DDI2: variants seen among roughly 807,000 people sequenced by gnomAD.
DDI2 encodes the protein protein DDI1 homolog 2.
Under a neutral mutation model 48.1 loss-of-function variants are expected in DDI2, and 5 were observed. The ratio of observed to expected loss-of-function variants is 0.10; its 90% CI spans 0.05 to 0.22. The LOEUF is 0.22. Ranked by LOEUF, DDI2 falls within the 10% of genes least tolerant of loss-of-function variation. DDI2 has a pLI of 1.00. For missense variants in DDI2, 285 were observed against 506.2 expected, an observed-to-expected ratio of 0.56 and a Z score of 4.19; for synonymous variants, 205 against 183.6, an observed-to-expected ratio of 1.12 and a Z score of -0.94.
At chr1:15,623,925 G>A (rs1466385554) in intron 1 of DDI2, among the ~76,000 whole-genome samples, 1 of 152,094 alleles carries the variant, frequency 6.6e-6, no homozygotes, top group African/African-American at 2.4e-5. Context: ...TTAGCCGCTT[G>A]TGGGGGCAGG....
chr1:15,624,524 G>T (rs569532203), intron 1 of DDI2, among the ~76,000 whole-genome samples: 2 of 152,142 alleles, frequency 1.3e-5, no homozygotes, highest in Non-Finnish European at 2.9e-5. Context: ...CTGGAGTGCA[G>T]TGGTGCAACC....
intron 5 of DDI2, among the ~76,000 whole-genome samples, chr1:15,641,472 C>CA (rs112153393): frequency 0.018 from 2,368 of 131,640 alleles, 16 homozygotes; most frequent in Middle Eastern, 0.043. Context: ...ACTGTGTTTC[C>CA]AAAAAAAAAA....
Position 15,661,319 on chromosome 1 carries a change from T to TAC in DDI2, c.*1532_*1533dup. The TAC allele has an allele frequency of 6.2e-7, 1 of 1,614,058 alleles. No individual in the cohort carries two copies. The highest frequency in any genetic ancestry group is 8.5e-7 in the Non-Finnish European group (1 of 1,179,958). ...ACCTCAGCTAAAACATCCAATCAGT[T>TAC]ACACTGCACCTTAGGTGTAGAAATT... On this transcript the variant is annotated 3_prime_UTR_variant, in exon 10 of 10. Transcript: ENST00000480945.
chr1:15,656,243 G>T (rs1213231146), intron 8 of DDI2, among the ~76,000 whole-genome samples: 3 of 152,190 alleles, frequency 2.0e-5, no homozygotes, highest in African/African-American at 7.2e-5. Flanking sequence ...AAGAAATTTG[G>T]AAAGGGACTG....
intron 8 of DDI2, chr1:15,656,287 T>C: frequency 1.6e-6 from 1 of 628,160 alleles, no homozygotes. Flanking sequence ...CTCCATAAGA[T>C]TTTTTTAATC....
At chr1:15,620,572 A>G (rs1043210089) in intron 1 of DDI2, among the ~76,000 whole-genome samples, 1 of 152,032 alleles carries the variant, frequency 6.6e-6, no homozygotes, top group African/African-American at 2.4e-5. Context: ...GGAAATATAT[A>G]TATTTTTATG....
At chr1:15,656,570 T>C (rs148101192) in intron 8 of DDI2, 47 bp from the exon 9 acceptor site, 8 of 1,614,120 alleles carry the variant, frequency 5.0e-6, no homozygotes, top group Non-Finnish European at 5.1e-6. Context: ...GCTGTGTGGT[T>C]TGCATTGTTA....
chr1:15,638,482 C>T (rs1280451572), intron 5 of DDI2, 48 bp downstream of exon 5: 1 of 1,595,692 alleles, frequency 6.3e-7, no homozygotes, highest in South Asian at 1.1e-5. Context: ...AACATCTTTA[C>T]CTGACACGGG....
intron 5 of DDI2, among the ~76,000 whole-genome samples, chr1:15,643,169 G>A (rs1264488432): frequency 2.0e-5 from 3 of 152,190 alleles, no homozygotes; most frequent in Non-Finnish European, 2.9e-5. Flanking sequence ...AGGAGGCGAC[G>A]GCTTAGAGAT....
chr1:15,633,247 C>T (rs1291495413), intron 3 of DDI2, among the ~76,000 whole-genome samples, 192 bp from the exon 4 acceptor site: 1 of 152,070 alleles, frequency 6.6e-6, no homozygotes, highest in African/African-American at 2.4e-5. Context: ...TTTCTTTACA[C>T]TGAATTTAAA....
Position 15,630,398 on chromosome 1 carries a change from A to T in DDI2, c.342A>T (p.Gly114=). The T allele has an allele frequency of 1.1e-5, 17 of 1,614,244 alleles. No homozygotes were observed. Among genetic ancestry groups the T allele is most frequent in the Non-Finnish European group, 1.3e-5 (15 of 1,180,042 alleles). ...GTCCCCGGCAGCGCCAGCCACCAGG[A>T]ACACAGCAGTCCCACTCATCTCCTG... ...TSSPRQRQPP[G]TQQSHSSPGE... is the part of the protein sequence containing the mutation. Residue 114 remains glycine (G), a synonymous_variant, in exon 3 of 10, where the codon GGA becomes GGT. Coordinates refer to ENST00000480945, the MANE Select transcript of DDI2 (RefSeq NM_032341.5).
chr1:15,663,691 T>C lies in DDI2; in HGVS notation c.*3901T>C, dbSNP rs761162425. On this transcript the variant is annotated 3_prime_UTR_variant, in exon 10 of 10. Coordinates refer to ENST00000480945, the MANE Select transcript of DDI2 (RefSeq NM_032341.5). ...TGTAATTAAATAGTTGGTGCTATGA[T>C]TGATGCAAAATCTAGTAGCAATGCA... 1 of 152,164 alleles carries C rather than the reference T, an allele frequency of 6.6e-6. No homozygotes were observed. The highest frequency in any genetic ancestry group is 2.4e-5 in the African/African-American group (1 of 41,432). The allele number at this position is 152,164 out of a possible 1,614,324, so 9.4% of individuals were successfully genotyped here.
In DDI2 at chr1:15,666,045, C is replaced by A. The variant is rs1640448039; in HGVS notation, c.*6255C>A. ...TTCCCTTCCTAGAAGATGAATGTTA[C>A]CTTTTGTGTTAGGAGGTAGAGAAAA... On this transcript the variant is annotated 3_prime_UTR_variant, in exon 10 of 10. Coordinates refer to ENST00000480945, the MANE Select transcript of DDI2 (RefSeq NM_032341.5). 6.6e-6 allele frequency: 1 copy of A among 152,116 alleles called. No homozygotes were observed. The highest frequency in any genetic ancestry group is 2.4e-5 in the African/African-American group (1 of 41,416). 9.4% of individuals were successfully genotyped at this position (152,116 alleles called of 1,614,324 possible). A position where few individuals can be genotyped will look rare whatever the true frequency, so the allele number is the denominator to read the frequency against.
At chr1:15,636,750 G>A (rs1639936848) in intron 4 of DDI2, among the ~76,000 whole-genome samples, 1 of 152,238 alleles carries the variant, frequency 6.6e-6, no homozygotes, top group Non-Finnish European at 1.5e-5. Context: ...ATGAGCTGCT[G>A]TGCCAGGCCT....
intron 1 of DDI2, 34 bp downstream of exon 1, chr1:15,617,842 G>T: frequency 6.5e-7 from 1 of 1,539,024 alleles, no homozygotes; most frequent in Non-Finnish European, 8.8e-7. Flanking sequence ...CTGCCCCGGA[G>T]CTAAGCCCTC....
chr1:15,651,620 T>G, intron 7 of DDI2, 86 bp from the exon 8 acceptor site: 13 of 1,305,868 alleles, frequency 1.0e-5, no homozygotes, highest in Non-Finnish European at 1.4e-5. Flanking sequence ...TGCCTGGCCA[T>G]TTGTGATTGG....
intron 1 of DDI2, among the ~76,000 whole-genome samples, chr1:15,624,883 CCAT>C (rs761286456): frequency 2.4e-4 from 36 of 152,216 alleles, no homozygotes; most frequent in African/African-American, 7.9e-4. Flanking sequence ...TAGGCATGAG[CCAT>C]CATACCAGAT....
At position 15,668,639 on chromosome 1, in the gene DDI2, T is replaced by A. The variant is rs1640487474; in HGVS notation, c.*8849T>A. The A allele has an allele frequency of 6.6e-6, 1 of 152,230 alleles. No individual in the cohort carries two copies. 9.4% of individuals were successfully genotyped at this position (152,230 alleles called of 1,614,324 possible). Reference sequence around the variant, plus strand: ...TTTCCTTCTTTATATGTTCTTGCAGTTACTCTTGTATTGCAAGATTTTCTG... The same window carrying A: ...TTTCCTTCTTTATATGTTCTTGCAGATACTCTTGTATTGCAAGATTTTCTG... On this transcript the variant is annotated 3_prime_UTR_variant, in exon 10 of 10. Transcript: ENST00000480945.
intron 2 of DDI2, among the ~76,000 whole-genome samples, chr1:15,630,089 T>G (rs536201807): frequency 6.6e-6 from 1 of 152,320 alleles, no homozygotes; most frequent in African/African-American, 2.4e-5. Flanking sequence ...AGATATTTTA[T>G]AAGCTAAAAA....
Sources: gnomAD v4.1 joint callset for allele counts (sites outside exome capture counted in the v4.1 genomes callset) on GRCh38, gnomAD v4.1.1 for gene constraint, MANE v1.5 for transcripts, NCBI Gene and HGNC (gene_info 2026-07-23, HGNC 2026-07-21) for gene names.